The following PCDHAC2 variants were observed in gnomAD, a reference collection of about 807,000 sequenced individuals.
PCDHAC2 encodes the protein protocadherin alpha subfamily C, 2.
In PCDHAC2, 24 loss-of-function variants were observed where a neutral mutation model predicts 63.3. The observed-to-expected ratio is 0.38, with a 90% CI of 0.27 to 0.53. PCDHAC2 has a LOEUF of 0.53. Ranked by LOEUF, PCDHAC2 falls within the 20% of genes least tolerant of loss-of-function variation. PCDHAC2 has a pLI of 0.81. For synonymous variants in PCDHAC2, 569 were observed against 529.4 expected (o/e 1.07, Z -1.03); for missense variants, 1,181 against 1,275.2 (o/e 0.93, Z 1.12).
chr5:141,001,520 C>G (rs542518188), intron 3 of PCDHAC2, among the ~76,000 whole-genome samples: 1 of 152,300 alleles, frequency 6.6e-6, no homozygotes, highest in South Asian at 2.1e-4. Flanking sequence ...CTTTCTCCCT[C>G]TCTCTCTGAT....
intron 2 of PCDHAC2, 129 bp from the exon 3 acceptor site, chr5:140,982,346 G>A: frequency 1.3e-6 from 2 of 1,492,346 alleles, no homozygotes; most frequent in South Asian, 2.7e-5. Context: ...AATTGCTTCA[G>A]TTCAAGCATG....
chr5:141,002,923 C>T (rs1261794185), intron 3 of PCDHAC2, among the ~76,000 whole-genome samples: 6 of 152,220 alleles, frequency 3.9e-5, no homozygotes, highest in African/African-American at 1.2e-4. Flanking sequence ...AAAGTGAACA[C>T]CCTCCAACAC....
intron 3 of PCDHAC2, among the ~76,000 whole-genome samples, chr5:140,992,100 A>G (rs1285742519): frequency 6.6e-6 from 1 of 151,526 alleles, no homozygotes; most frequent in African/African-American, 2.4e-5. Context: ...AAAGAGAATT[A>G]AGGTGAGATG....
In PCDHAC2 at chr5:140,982,523, G is replaced by A; in HGVS notation, c.2673G>A (p.Gly891=). Residue 891 remains glycine (G), a synonymous_variant, in exon 3 of 4, where the codon GGG becomes GGA. Coordinates refer to ENST00000289269, the MANE Select transcript of PCDHAC2 (RefSeq NM_018899.6). ...EAGILRAGPG[G]PDQQWPTVSS... ...GCATTCTACGGGCTGGTCCAGGAGGGCCTGATCAGCAGTGGCCAACAGTAT... is the reference window on the plus strand; with the variant it reads ...GCATTCTACGGGCTGGTCCAGGAGGACCTGATCAGCAGTGGCCAACAGTAT... 6.2e-7 allele frequency: 1 copy of A among 1,614,220 alleles called. No individual in the cohort carries two copies. The highest frequency in any genetic ancestry group is 8.5e-7 in the Non-Finnish European group (1 of 1,180,034).
rs544594142 is a variant in PCDHAC2, at chr5:141,011,456, T to C, written c.*1519T>C. On this transcript the variant is annotated 3_prime_UTR_variant, in exon 4 of 4. Transcript: ENST00000289269. Reference sequence around the variant, plus strand: ...TACCTAGAGTGAACTTTAAGCTTTATTGTTGAATGTAATTCCATTATATTT... The same window carrying C: ...TACCTAGAGTGAACTTTAAGCTTTACTGTTGAATGTAATTCCATTATATTT... The C allele has an allele frequency of 1.3e-5, 2 of 153,928 alleles. No homozygotes were observed. The highest frequency in any genetic ancestry group is 6.8e-3 in the Middle Eastern group (2 of 292). 9.5% of individuals were successfully genotyped at this position (153,928 alleles called of 1,614,324 possible).
chr5:141,006,296 C>G (rs2153987135), intron 3 of PCDHAC2, among the ~76,000 whole-genome samples: 1 of 152,102 alleles, frequency 6.6e-6, no homozygotes, highest in East Asian at 1.9e-4. Context: ...ACTGCAAGCT[C>G]CACTTCCCGG....
intron 3 of PCDHAC2, 64 bp downstream of exon 3, chr5:140,982,627 T>A: frequency 6.3e-7 from 1 of 1,581,770 alleles, no homozygotes; most frequent in Non-Finnish European, 8.6e-7. Flanking sequence ...GACCTACTTT[T>A]GTAAGATCAG....
intron 1 of PCDHAC2, among the ~76,000 whole-genome samples, chr5:140,975,438 A>T (rs1436743661): frequency 5.9e-5 from 9 of 152,234 alleles, no homozygotes; most frequent in African/African-American, 1.7e-4. Flanking sequence ...ACACCAGGAT[A>T]TAGGGATCTT....
chr5:140,981,687 A>ATCAT (rs200213847), intron 2 of PCDHAC2, among the ~76,000 whole-genome samples: 1,547 of 152,086 alleles, frequency 0.01, 18 homozygotes, highest in African/African-American at 0.031. Flanking sequence ...CCTCCCTTCC[A>ATCAT]TCATTCATTC....
intron 3 of PCDHAC2, among the ~76,000 whole-genome samples, chr5:141,008,297 A>G (rs2098368469): frequency 6.6e-6 from 1 of 152,178 alleles, no homozygotes; most frequent in South Asian, 2.1e-4. Context: ...GTTGTACCCA[A>G]CCCTAAACTG....
At chr5:140,996,596 C>G (rs1343501273) in intron 3 of PCDHAC2, among the ~76,000 whole-genome samples, 1 of 152,156 alleles carries the variant, frequency 6.6e-6, no homozygotes. Flanking sequence ...CCGCCTCCCC[C>G]CATTTTCATT....
chr5:140,981,504 G>A (rs1435264364), intron 2 of PCDHAC2, among the ~76,000 whole-genome samples: 1 of 152,182 alleles, frequency 6.6e-6, no homozygotes, highest in African/African-American at 2.4e-5. Flanking sequence ...AACCTGGGAG[G>A]CAGAGGTTGC....
In PCDHAC2 at chr5:140,967,136, C is replaced by T. The variant is rs782698899; in HGVS notation, c.370C>T (p.Leu124=). ...TCGCTGCCTGCTCAGCTTGGAAGTGCTGGCGCACAACCCCGTGGCGGTGAG... is the reference window on the plus strand; with the variant it reads ...TCGCTGCCTGCTCAGCTTGGAAGTGTTGGCGCACAACCCCGTGGCGGTGAG... ...RPRCLLSLEV[L]AHNPVAVSAV... Residue 124 remains leucine (L), a synonymous_variant, in exon 1 of 4, where the codon CTG becomes TTG. Transcript: ENST00000289269. The T allele has an allele frequency of 6.8e-6, 11 of 1,611,568 alleles. No individual in the cohort carries two copies. The highest frequency in any genetic ancestry group is 9.3e-6 in the Non-Finnish European group (11 of 1,178,384).
intron 3 of PCDHAC2, among the ~76,000 whole-genome samples, chr5:140,991,357 T>G (rs1409351374): frequency 2.6e-5 from 4 of 152,258 alleles, no homozygotes; most frequent in African/African-American, 9.6e-5. Flanking sequence ...AAAGACTATT[T>G]ACTGTCTGAG....
intron 3 of PCDHAC2, 22 bp downstream of exon 3, chr5:140,982,585 ATTCT>A: frequency 6.2e-7 from 1 of 1,611,974 alleles, no homozygotes; most frequent in Non-Finnish European, 8.5e-7. Flanking sequence ...GGGTCTCTCC[ATTCT>A]TTCTTGGTTT....
rs199571672 is a variant in PCDHAC2 at position 140,994,794 on chromosome 5, T to C, written c.2713+12231T>C. On this transcript the variant is annotated intron_variant, in intron 3 of 3. Transcript: ENST00000289269. The stretch of plus-strand genomic sequence containing the variant: ...CCAGGCAAAGGAAACAATGCGTGCA[T>C]GCAAAAACAAAATACAAAAAACTGA... Among the ~76,000 whole-genome samples the C allele has an allele frequency of 7.2e-5, 11 of 152,270 alleles. No individual in the cohort carries two copies. The East Asian group carries it at 2.1e-3, about 29-fold the overall frequency.
At chr5:141,009,036 T>C (rs782309668) in intron 3 of PCDHAC2, among the ~76,000 whole-genome samples, 7 of 152,242 alleles carry the variant, frequency 4.6e-5, no homozygotes, top group Non-Finnish European at 1.0e-4. Context: ...TCCCATCCCG[T>C]TCCCAGTCAA....
chr5:140,978,044 G>A (rs1205342779), intron 1 of PCDHAC2, among the ~76,000 whole-genome samples: 1 of 152,140 alleles, frequency 6.6e-6, no homozygotes, highest in Non-Finnish European at 1.5e-5. Flanking sequence ...GACAGTGATG[G>A]TGACTGATGA....
At position 140,969,129 on chromosome 5, in the gene PCDHAC2, C is replaced by T; in HGVS notation, c.2363C>T (p.Thr788Ile). 1 of 1,614,144 alleles carries T rather than the reference C, an allele frequency of 6.2e-7. No individual in the cohort carries two copies. Among genetic ancestry groups the T allele is most frequent in the Non-Finnish European group, 8.5e-7 (1 of 1,180,028 alleles). The change falls in exon 1 of 4, where the codon ACC becomes ATC. Residue 788 changes from threonine to isoleucine, a missense_variant. Coordinates refer to ENST00000289269, the MANE Select transcript of PCDHAC2 (RefSeq NM_018899.6). ...GAAGTTCGAGGGAATGGCTCCCTCACCAAGACCTACTGCTACAAGGCCTGT... is the reference window on the plus strand; with the variant it reads ...GAAGTTCGAGGGAATGGCTCCCTCATCAAGACCTACTGCTACAAGGCCTGT... Reference protein sequence around the residue: ...FIEVRGNGSLTKTYCYKACLT... With the variant: ...FIEVRGNGSLIKTYCYKACLT...
Sources: gnomAD v4.1 joint callset for allele counts (sites outside exome capture counted in the v4.1 genomes callset) on GRCh38, gnomAD v4.1.1 for gene constraint, MANE v1.5 for transcripts, NCBI Gene and HGNC (gene_info 2026-07-23, HGNC 2026-07-21) for gene names.